POLB: variants seen among roughly 807,000 people sequenced by gnomAD.
POLB encodes the protein 5'-dRP lyase.
Under a neutral mutation model 52.7 loss-of-function variants are expected in POLB, and 37 were observed. The ratio of observed to expected loss-of-function variants is 0.70; its 90% CI spans 0.54 to 0.92. The LOEUF (loss-of-function observed/expected upper bound fraction) is 0.92. Among genes scored for constraint, POLB ranks in the 40% least tolerant of loss-of-function variants. POLB has a pLI of 0.00. For missense variants in POLB, 313 were observed against 400.8 expected (o/e 0.78, Z 1.87); for synonymous variants, 138 against 131.3 (o/e 1.05, Z -0.35).
chr8:42,362,077 A>G (rs1356413654), intron 10 of POLB, among the ~76,000 whole-genome samples: 4 of 152,148 alleles, frequency 2.6e-5, no homozygotes, highest in African/African-American at 2.4e-5. Context: ...CCTGCCCAAC[A>G]TGGTGAAACC....
chr8:42,369,138 C>A (rs2130860860), intron 11 of POLB, 133 bp from the exon 12 acceptor site: 1 of 580,160 alleles, frequency 1.7e-6, no homozygotes, highest in Non-Finnish European at 3.1e-6. Flanking sequence ...CTCACAGAAG[C>A]TGCTAAGTTA....
intron 5 of POLB, 104 bp from the exon 6 acceptor site, chr8:42,352,415 A>C: frequency 1.3e-6 from 1 of 754,386 alleles, no homozygotes; most frequent in Non-Finnish European, 2.4e-6. Flanking sequence ...ACATTTTAGC[A>C]GGTCTTGTTT....
intron 3 of POLB, among the ~76,000 whole-genome samples, chr8:42,346,596 G>C (rs1466087376): frequency 5.9e-5 from 9 of 151,552 alleles, no homozygotes; most frequent in African/African-American, 1.9e-4. Context: ...ATCTTGTTAT[G>C]TTGCCCAGGC....
intron 3 of POLB, among the ~76,000 whole-genome samples, chr8:42,348,309 A>G (rs1222499078): frequency 6.6e-6 from 1 of 152,234 alleles, no homozygotes; most frequent in Admixed American, 6.5e-5. Flanking sequence ...GATTCTAGAG[A>G]AGTGCTGCCC....
intron 12 of POLB, chr8:42,369,638 C>T: frequency 1.9e-6 from 1 of 526,340 alleles, no homozygotes; most frequent in Non-Finnish European, 3.3e-6. Context: ...CATTTCTCCA[C>T]ATCTCTTTCA....
At chr8:42,360,199 C>T (rs573026982) in intron 9 of POLB, among the ~76,000 whole-genome samples, 4 of 152,024 alleles carry the variant, frequency 2.6e-5, no homozygotes, top group East Asian at 3.9e-4. Context: ...TCAAGTGATC[C>T]GCCCACCTTG....
At chr8:42,358,530 T>A (rs1049137640) in intron 9 of POLB, among the ~76,000 whole-genome samples, 11 of 152,028 alleles carry the variant, frequency 7.2e-5, no homozygotes, top group Non-Finnish European at 2.9e-5. Context: ...ACTTTTAAAA[T>A]TGGAATAGAA....
At chr8:42,348,875 G>T (rs1038196269) in intron 3 of POLB, 141 bp from the exon 4 acceptor site, 6 of 507,692 alleles carry the variant, frequency 1.2e-5, no homozygotes, top group African/African-American at 8.0e-5. Flanking sequence ...TTTCACTGGG[G>T]TTCAATTTTC....
chr8:42,355,271 C>T (rs1429642152), intron 6 of POLB, among the ~76,000 whole-genome samples: 2 of 152,128 alleles, frequency 1.3e-5, no homozygotes, highest in Non-Finnish European at 2.9e-5. Flanking sequence ...AACTCCTGAC[C>T]TTGTGATCCG....
In POLB at chr8:42,349,010, A is replaced by T. The variant is rs760955633; in HGVS notation, c.187-6A>T. On this transcript the variant is annotated splice_region_variant and splice_polypyrimidine_tract_variant and intron_variant, in intron 3 of 13. Transcript: ENST00000265421. ...ATGACTTTTATATTTCTAATTTTCC[A>T]TGTAGCCTGGAGTAGGAACAAAAAT... 4 of 1,542,340 alleles carry T rather than the reference A, an allele frequency of 2.6e-6. No homozygotes were observed. The highest frequency in any genetic ancestry group is 1.7e-4 in the Middle Eastern group (1 of 5,926).
At position 42,371,643 on chromosome 8, in the gene POLB, G is replaced by A; in HGVS notation, c.994G>A (p.Asp332Asn). The A allele has an allele frequency of 6.2e-7, 1 of 1,608,582 alleles. No individual in the cohort carries two copies. The highest frequency in any genetic ancestry group is 1.1e-5 in the South Asian group (1 of 90,944). Residue 332 changes from aspartate (D) to asparagine (N), a missense_variant, in exon 14 of 14, where the codon GAC becomes AAC. Asp to Asn is a conservative substitution (Grantham distance 23). Coordinates refer to ENST00000265421, the MANE Select transcript of POLB (RefSeq NM_002690.3). The part of the protein sequence containing the change: ...YIQWKYREPK[D>N]RSE ...CCAGTGGAAATACCGGGAACCCAAG[G>A]ACCGGAGCGAATGAGGCCTGTATCC...
At position 42,357,405 on chromosome 8, in the gene POLB, C is replaced by T. The variant is rs1374214614; in HGVS notation, c.550+13C>T. On this transcript the variant is annotated intron_variant, in intron 9 of 13. Transcript: ENST00000265421. ...AGTTTCAGAAGAGGTAACATACTTC[C>T]TAATCTTGGGTTATTTTTGCCCTGA... The T allele has an allele frequency of 1.4e-6, 2 of 1,431,726 alleles. No homozygotes were observed. The highest frequency in any genetic ancestry group is 2.0e-6 in the Non-Finnish European group (2 of 1,021,232). 88.7% of individuals were successfully genotyped at this position (1,431,726 alleles called of 1,614,324 possible). A position where few individuals can be genotyped will look rare whatever the true frequency, so the allele number is the denominator to read the frequency against.
At position 42,338,512 on chromosome 8, in the gene POLB, C is replaced by G. The variant is rs1043952414; in HGVS notation, c.-113C>G. On this transcript the variant is annotated 5_prime_UTR_variant, in exon 1 of 14. Transcript: ENST00000265421. The stretch of plus-strand genomic sequence containing the variant: ...GGCAACCATTGTTCCGCCGGTCGCG[C>G]CGGAGCTGGGTTGCTCCTGCTCCCG... 13 of 917,758 alleles carry G rather than the reference C, an allele frequency of 1.4e-5. No homozygotes were observed. Among genetic ancestry groups the G allele is most frequent in the Non-Finnish European group, 2.3e-5 (13 of 562,032 alleles). The allele number at this position is 917,758 out of a possible 1,614,324, so 56.9% of individuals were successfully genotyped here.
intron 3 of POLB, among the ~76,000 whole-genome samples, chr8:42,347,163 T>C (rs1017433009): frequency 6.6e-6 from 1 of 152,106 alleles, no homozygotes; most frequent in African/African-American, 2.4e-5. Context: ...AAAATTCCTT[T>C]TGCATAAGAC....
intron 3 of POLB, among the ~76,000 whole-genome samples, chr8:42,346,718 C>T (rs1391359149): frequency 6.6e-6 from 1 of 152,096 alleles, no homozygotes; most frequent in African/African-American, 2.4e-5. Flanking sequence ...TATTTTTGCC[C>T]TTCAGAGTCA....
At chr8:42,346,525 C>T in intron 3 of POLB, among the ~76,000 whole-genome samples, 1 of 151,944 alleles carries the variant, frequency 6.6e-6, no homozygotes, top group East Asian at 1.9e-4. Flanking sequence ...GCTGGGACTA[C>T]AGGCATGCTC....
Position 42,357,200 on chromosome 8 carries a change from C to A in POLB, c.454C>A (p.Arg152Ser). Residue 152 changes from arginine (R) to serine (S), a missense_variant, in exon 8 of 14, where the codon CGT becomes AGT. This residue lies in a region of POLB where 246 missense variants were observed against 297.6 expected (regional missense o/e 0.83). Coordinates refer to ENST00000265421, the MANE Select transcript of POLB (RefSeq NM_002690.3). ...TGGGGACTTTGAAAAAAGAATTCCT[C>A]GTGAAGAGATGTTACAAATGCAAGT... ...YFGDFEKRIP[R>S]EEMLQMQDIV... is the part of the protein sequence containing the mutation. 3 of 1,556,634 alleles carry A rather than the reference C, an allele frequency of 1.9e-6. No individual in the cohort carries two copies. Among genetic ancestry groups the A allele is most frequent in the South Asian group, 1.1e-5 (1 of 89,292 alleles).
chr8:42,338,504 C>A lies in POLB; in HGVS notation c.-121C>A. 1.2e-6 allele frequency: 1 copy of A among 839,208 alleles called. No individual in the cohort carries two copies. The highest frequency in any genetic ancestry group is 2.0e-6 in the Non-Finnish European group (1 of 495,576). The allele number at this position is 839,208 out of a possible 1,614,324, so 52.0% of individuals were successfully genotyped here. A position where few individuals can be genotyped will look rare whatever the true frequency, so the allele number is the denominator to read the frequency against. Reference sequence around the variant, plus strand: ...CCATCGGGGGCAACCATTGTTCCGCCGGTCGCGCCGGAGCTGGGTTGCTCC... The same window carrying A: ...CCATCGGGGGCAACCATTGTTCCGCAGGTCGCGCCGGAGCTGGGTTGCTCC... On this transcript the variant is annotated 5_prime_UTR_variant, in exon 1 of 14. Transcript: ENST00000265421.
intron 11 of POLB, among the ~76,000 whole-genome samples, chr8:42,366,815 C>G (rs948066136): frequency 6.6e-6 from 1 of 152,114 alleles, no homozygotes; most frequent in African/African-American, 2.4e-5. Context: ...GTCAGAAGAC[C>G]GTTATGCAGA....
Sources: allele counts gnomAD v4.1 joint callset (sites outside exome capture counted in the v4.1 genomes callset), GRCh38; gene constraint gnomAD v4.1.1; regional missense constraint gnomAD v4.1.1; transcripts MANE v1.5; gene names NCBI Gene and HGNC (gene_info 2026-07-23, HGNC 2026-07-21).